Variants in COL6A1 observed in about 807,000 individuals in gnomAD.
The protein encoded by COL6A1 is collagen alpha-1(VI) chain.
In COL6A1, 80 loss-of-function variants were observed where a neutral mutation model predicts 145.6. The ratio of observed to expected loss-of-function variants is 0.55; its 90% CI spans 0.46 to 0.66. The LOEUF (loss-of-function observed/expected upper bound fraction) is 0.66, where lower values mean the gene tolerates loss of function less well. Ranked by LOEUF, COL6A1 falls within the 30% of genes least tolerant of loss-of-function variation. COL6A1 has a pLI of 0.00. For missense variants in COL6A1, 1,364 were observed against 1,473.8 expected (o/e 0.93, Z 1.22); for synonymous variants, 638 against 622.8 (o/e 1.02, Z -0.36).
At position 45,998,445 on chromosome 21, in the gene COL6A1, C is replaced by T. The variant is rs543297828; in HGVS notation, c.1611+12C>T. On this transcript the variant is annotated intron_variant, in intron 24 of 34. Coordinates refer to ENST00000361866, the MANE Select transcript of COL6A1 (RefSeq NM_001848.3). ...CTCCCGGGATAAACGTGAGTACGCC[C>T]CCTCCTCCATCTGGCTGTGGGCACA... The T allele has an allele frequency of 3.2e-5, 52 of 1,613,146 alleles. No individual in the cohort carries two copies. Among genetic ancestry groups the T allele is most frequent in the Admixed American group, 5.0e-5 (3 of 59,994 alleles).
chr21:45,990,185 G>T (rs1382151602), intron 11 of COL6A1, 73 bp from the exon 12 acceptor site: 40 of 1,585,614 alleles, frequency 2.5e-5, no homozygotes, highest in Non-Finnish European at 3.5e-5. Context: ...CCTGCCTCGC[G>T]TGGGCCTAAG....
intron 30 of COL6A1, among the ~76,000 whole-genome samples, 199 bp downstream of exon 30, chr21:46,001,585 A>T (rs964275872): frequency 3.3e-5 from 5 of 152,166 alleles, no homozygotes; most frequent in Non-Finnish European, 7.4e-5. Flanking sequence ...CATTGTACAC[A>T]GGCGCCCCAG....
intron 3 of COL6A1, among the ~76,000 whole-genome samples, chr21:45,985,301 CAGAG>C (rs778087984): frequency 6.0e-5 from 9 of 149,656 alleles, no homozygotes; most frequent in Non-Finnish European, 1.2e-4. Flanking sequence ...GAGATAGAGA[CAGAG>C]AGGGAGACAG....
At chr21:45,989,816 C>T (rs749952739) in intron 11 of COL6A1, 38 bp downstream of exon 11, 42 of 1,612,160 alleles carry the variant, frequency 2.6e-5, no homozygotes, top group Admixed American at 5.0e-5. Context: ...TCTCTCCAGG[C>T]GCAGATGTGC....
rs953748623 is a variant in COL6A1, at chr21:45,982,849, C to T, written c.227+86C>T. ...GGGGCCCAGGGGAACACGGGTGCGA[C>T]GGCCTCAACCTCCTAAGGTTGGGCG... On this transcript the variant is annotated intron_variant, in intron 2 of 34. Coordinates refer to ENST00000361866, the MANE Select transcript of COL6A1 (RefSeq NM_001848.3). The T allele has an allele frequency of 6.4e-6, 10 of 1,561,430 alleles. 1 individual carries two copies. Among genetic ancestry groups the T allele is most frequent in the East Asian group, 4.5e-5 (2 of 44,584 alleles).
At chr21:45,989,824 T>G (rs778796607) in intron 11 of COL6A1, 46 bp downstream of exon 11, 1 of 1,611,998 alleles carries the variant, frequency 6.2e-7, no homozygotes, top group East Asian at 2.2e-5. Context: ...GGCGCAGATG[T>G]GCCATCCTGG....
rs756372387 is a variant in COL6A1, at chr21:46,003,928, G to A, written c.3002G>A (p.Ser1001Asn). Residue 1001 changes from serine to asparagine, a missense_variant, in exon 35 of 35, where the codon AGC (serine) becomes AAC (asparagine). Ser to Asn is a conservative substitution (Grantham distance 46). This residue lies in a region of COL6A1 where 938 missense variants were observed against 1,003.8 expected (regional missense o/e 0.93). Transcript: ENST00000361866. ...GAGTACGACGTGGCCTACGGCGAGAGCCACCTGTTCCGTGTCCCCAGCTAC... is the reference window on the plus strand; with the variant it reads ...GAGTACGACGTGGCCTACGGCGAGAACCACCTGTTCCGTGTCCCCAGCTAC... ...TAEYDVAYGE[S>N]HLFRVPSYQA... The A allele has an allele frequency of 2.3e-4, 370 of 1,610,156 alleles. 3 individuals are homozygous for A. In the South Asian group the frequency reaches 4.0e-3, roughly 17 times the overall value.
intron 20 of COL6A1, among the ~76,000 whole-genome samples, chr21:45,996,693 T>C (rs1190384607): frequency 2.0e-5 from 3 of 152,148 alleles, no homozygotes; most frequent in Admixed American, 2.0e-4. Flanking sequence ...TTGGCTCAGC[T>C]GGGCGCGCTG....
intron 8 of COL6A1, among the ~76,000 whole-genome samples, chr21:45,988,448 TCCAGATGG>T (rs2077755506): frequency 7.8e-6 from 1 of 127,730 alleles, no homozygotes; most frequent in African/African-American, 3.0e-5. Context: ...GACGGCGGGG[TCCAGATGG>T]AGGGGATGTC....
At chr21:46,001,801 C>A (rs2077847099) in intron 30 of COL6A1, among the ~76,000 whole-genome samples, 160 bp from the exon 31 acceptor site, 1 of 151,722 alleles carries the variant, frequency 6.6e-6, no homozygotes, top group Non-Finnish European at 1.5e-5. Flanking sequence ...GGGGCTGTGC[C>A]ACCCTCTGTG....
At chr21:45,989,474 A>C (rs1267135508) in intron 9 of COL6A1, 134 bp from the exon 10 acceptor site, 6 of 951,700 alleles carry the variant, frequency 6.3e-6, no homozygotes, top group Non-Finnish European at 1.0e-5. Flanking sequence ...CCTCGGCACC[A>C]TGGGCCCCGT....
rs1260707803 is a variant in COL6A1, at chr21:46,004,248, A to G, written c.*235A>G. The G allele has an allele frequency of 1.5e-5, 9 of 593,902 alleles. No homozygotes were observed. In the Admixed American group the frequency reaches 1.9e-4, roughly 12 times the overall value. The allele number at this position is 593,902 out of a possible 1,614,324, so 36.8% of individuals were successfully genotyped here. On this transcript the variant is annotated 3_prime_UTR_variant, in exon 35 of 35. Coordinates refer to ENST00000361866, the MANE Select transcript of COL6A1 (RefSeq NM_001848.3). ...GCCCTCTGGGGCTCAGCCCTGAGCTAGTGTCACCTGCACAGGGCCCTCTGA... is the reference window on the plus strand; with the variant it reads ...GCCCTCTGGGGCTCAGCCCTGAGCTGGTGTCACCTGCACAGGGCCCTCTGA...
intron 18 of COL6A1, 51 bp from the exon 19 acceptor site, chr21:45,992,697 G>T: frequency 6.5e-7 from 1 of 1,528,820 alleles, no homozygotes; most frequent in South Asian, 1.2e-5. Flanking sequence ...ACCCCAGCTG[G>T]GTGTGAGTTC....
At position 45,981,802 on chromosome 21, in the gene COL6A1, C is replaced by A; in HGVS notation, c.-49C>A. 6 of 1,431,432 alleles carry A rather than the reference C, an allele frequency of 4.2e-6. No homozygotes were observed. The highest frequency in any genetic ancestry group is 5.7e-6 in the Non-Finnish European group (6 of 1,052,104). The allele number at this position is 1,431,432 out of a possible 1,614,324, so 88.7% of individuals were successfully genotyped here. A position where few individuals can be genotyped will look rare whatever the true frequency, so the allele number is the denominator to read the frequency against. On this transcript the variant is annotated 5_prime_UTR_variant, in exon 1 of 35. Transcript: ENST00000361866. ...AGCCTCGGTCTCTGGGCGGCGGCGG[C>A]GGCCCACTCTGCCCTGGCCGCGCTG...
chr21:45,992,453 T>C, intron 18 of COL6A1, 55 bp downstream of exon 18: 1 of 1,593,272 alleles, frequency 6.3e-7, no homozygotes, highest in Non-Finnish European at 8.6e-7. Context: ...GCTGTGGACG[T>C]GGCCTCTGCG....
Position 45,997,634 on chromosome 21 carries a change from G to A in COL6A1, c.1462-66G>A. ...ATGGGACCTCTCCCGGCCCCAGGAG[G>A]GCCCTGCTTCCCTCCAAGGTCACCA... On this transcript the variant is annotated intron_variant, in intron 21 of 34. Transcript: ENST00000361866. 3 of 1,555,738 alleles carry A rather than the reference G, an allele frequency of 1.9e-6. No individual in the cohort carries two copies. The South Asian group carries it at 3.5e-5, about 18-fold the overall frequency.
At position 45,981,824 on chromosome 21, in the gene COL6A1, G is replaced by T. The variant is rs898177086; in HGVS notation, c.-27G>T. ...CGGCGGCCCACTCTGCCCTGGCCGC[G>T]CTGTGTGGTGACCGCAGGCCCCAGA... On this transcript the variant is annotated 5_prime_UTR_variant, in exon 1 of 35. Coordinates refer to ENST00000361866, the MANE Select transcript of COL6A1 (RefSeq NM_001848.3). The T allele has an allele frequency of 6.5e-7, 1 of 1,543,484 alleles. No homozygotes were observed. Among genetic ancestry groups the T allele is most frequent in the South Asian group, 1.2e-5 (1 of 84,226 alleles).
chr21:45,986,138 C>G (rs750055384), intron 3 of COL6A1, among the ~76,000 whole-genome samples: 1 of 152,182 alleles, frequency 6.6e-6, no homozygotes, highest in Non-Finnish European at 1.5e-5. Context: ...GCAAGAGCCA[C>G]GGTGACCGAG....
rs373961814 is a variant in COL6A1, at chr21:46,002,112, C to T, written c.2066+42C>T. The T allele has an allele frequency of 1.5e-5, 24 of 1,587,316 alleles. No individual in the cohort carries two copies. In the Admixed American group the frequency reaches 3.2e-4, roughly 21 times the overall value. On this transcript the variant is annotated intron_variant, in intron 31 of 34. Coordinates refer to ENST00000361866, the MANE Select transcript of COL6A1 (RefSeq NM_001848.3). ...GCCAGGACCCTCCCACCCCTCGCCC[C>T]GACCGCTGTTCCCACGGCAGGTCGG...
Sources: allele counts gnomAD v4.1 joint callset (sites outside exome capture counted in the v4.1 genomes callset), GRCh38; gene constraint gnomAD v4.1.1; regional missense constraint gnomAD v4.1.1; transcripts MANE v1.5; gene names NCBI Gene and HGNC (gene_info 2026-07-23, HGNC 2026-07-21).